The following ORC4 variants were observed in gnomAD, a reference collection of about 807,000 sequenced individuals.
ORC4 encodes the protein origin recognition complex, subunit 4 homolog.
A neutral mutation model predicts 63.9 loss-of-function variants in ORC4; 55 were observed. The ratio of observed to expected loss-of-function variants is 0.86; its 90% CI spans 0.69 to 1.08. ORC4 has a LOEUF of 1.08. Ranked by LOEUF, ORC4 falls within the 50% of genes least tolerant of loss-of-function variation. ORC4 has a pLI of 0.00. For synonymous variants in ORC4, 150 were observed against 168.5 expected (o/e 0.89, Z 0.85); for missense variants, 511 against 504.4 (o/e 1.01, Z -0.13).
rs1267332616 is a variant in ORC4 at position 147,939,249 on chromosome 2, C to T, written c.850-1G>A. ...CTGTTACTCGATTTAAAGCAAGCAT[C>T]TAGGGAAAGACAGATCAGAAAAACA... On this transcript the variant is annotated splice_acceptor_variant, in intron 10 of 13. Transcript: ENST00000392857. LOFTEE classifies it high-confidence loss of function. 6.3e-7 allele frequency: 1 copy of T among 1,594,706 alleles called. No homozygotes were observed. The highest frequency in any genetic ancestry group is 2.2e-5 in the East Asian group (1 of 44,758).
chr2:147,952,568 ACCTTT>A, intron 7 of ORC4, 44 bp from the exon 8 acceptor site: 1 of 1,443,616 alleles, frequency 6.9e-7, no homozygotes, highest in Non-Finnish European at 9.7e-7. Context: ...AATTATATCC[ACCTTT>A]CCTAAATTTC....
At chr2:147,978,846 G>A (rs1202598201) in intron 1 of ORC4, among the ~76,000 whole-genome samples, 2 of 152,146 alleles carry the variant, frequency 1.3e-5, no homozygotes, top group Non-Finnish European at 2.9e-5. Flanking sequence ...TTAACAGAAT[G>A]AAGGACAAAA....
Position 147,931,995 on chromosome 2 carries a change from T to C in ORC4, c.*3515A>G, listed in dbSNP as rs955110531. ...GAGAAGGAAATAAAGGGTATTCAAT[T>C]AGGAAAAGAGGAAGTCAAATTGTCC... On this transcript the variant is annotated 3_prime_UTR_variant, in exon 14 of 14. Coordinates refer to ENST00000392857, the MANE Select transcript of ORC4 (RefSeq NM_181741.4). 4 of 151,908 alleles carry C rather than the reference T, an allele frequency of 2.6e-5. No individual in the cohort carries two copies. Among genetic ancestry groups the C allele is most frequent in the Admixed American group, 1.3e-4 (2 of 15,224 alleles). The allele number at this position is 151,908 out of a possible 1,614,324, so 9.4% of individuals were successfully genotyped here.
intron 4 of ORC4, among the ~76,000 whole-genome samples, chr2:147,971,552 G>C (rs921245507): frequency 8.6e-5 from 13 of 151,834 alleles, no homozygotes; most frequent in African/African-American, 2.4e-4. Flanking sequence ...TACAAACAAT[G>C]AGACACCAAT....
intron 4 of ORC4, among the ~76,000 whole-genome samples, chr2:147,971,507 A>C (rs893205932): frequency 2.6e-5 from 4 of 151,988 alleles, no homozygotes; most frequent in Non-Finnish European, 4.4e-5. Context: ...GTATGAAAAG[A>C]TGCTCAACAG....
Position 147,948,148 on chromosome 2 carries a change from C to T in ORC4, c.665G>A (p.Gly222Asp). The T allele has an allele frequency of 1.2e-6, 2 of 1,610,724 alleles. No homozygotes were observed. Among genetic ancestry groups the T allele is most frequent in the South Asian group, 1.1e-5 (1 of 90,864 alleles). The change falls in exon 9 of 14, where the codon GGT (glycine) becomes GAT (aspartate). Residue 222 changes from glycine (G) to aspartate (D), a missense_variant. Physicochemically the swap from Gly to Asp is moderately conservative, Grantham distance 94. Transcript: ENST00000392857. ...AAATATTTTAACATACTGTGGAAAA[C>T]CAAATGAATTCATTAAGTGTATCTG... ...HRQIHLMNSF[G>D]FPQYVKIFKE...
chr2:147,990,128 T>C (rs1444802856), intron 1 of ORC4, among the ~76,000 whole-genome samples: 1 of 152,216 alleles, frequency 6.6e-6, no homozygotes, highest in Non-Finnish European at 1.5e-5. Context: ...TATTACTGTT[T>C]ACCTAGGACC....
In ORC4 at chr2:147,963,544, T is replaced by G. The variant is rs924807450; in HGVS notation, c.226-4678A>C. 4.6e-5 allele frequency among the ~76,000 whole-genome samples: 7 copies of G among 152,162 alleles called. 1 individual carries two copies. Among genetic ancestry groups the G allele is most frequent in the Non-Finnish European group, 7.4e-5 (5 of 68,022 alleles). ...GAGGAACTGTATCCCTACACCTCTG[T>G]TGGGATCAAGCAGCCTTGCACCTGG... On this transcript the variant is annotated intron_variant, in intron 4 of 13. Transcript: ENST00000392857.
In ORC4 at chr2:147,948,167, G is replaced by T; in HGVS notation, c.646C>A (p.His216Asn). ...VKSRFSHRQI[H>N]LMNSFGFPQY... The stretch of plus-strand genomic sequence containing the variant: ...GGAAAACCAAATGAATTCATTAAGT[G>T]TATCTGCCGGTGAGAAAATCTTGAC... The change falls in exon 9 of 14, where the codon CAC becomes AAC. Residue 216 changes from histidine (H) to asparagine (N), a missense_variant. His to Asn is a moderately conservative substitution (Grantham distance 68). Transcript: ENST00000392857. 1.2e-6 allele frequency: 2 copies of T among 1,609,694 alleles called. No homozygotes were observed. Among genetic ancestry groups the T allele is most frequent in the Non-Finnish European group, 1.7e-6 (2 of 1,176,920 alleles).
chr2:147,970,657 T>C (rs1179404863), intron 4 of ORC4, among the ~76,000 whole-genome samples: 1 of 151,506 alleles, frequency 6.6e-6, no homozygotes, highest in Admixed American at 6.6e-5. Context: ...ACACAGACCT[T>C]ACATCTTTCA....
chr2:147,946,754 T>C (rs1388655847), intron 9 of ORC4, among the ~76,000 whole-genome samples: 10 of 151,888 alleles, frequency 6.6e-5, no homozygotes, highest in Non-Finnish European at 1.3e-4. Flanking sequence ...ATCATAACAA[T>C]GGGAAAAAAG....
chr2:147,933,388 T>C lies in ORC4; in HGVS notation c.*2122A>G, dbSNP rs945839505. The C allele has an allele frequency of 5.9e-5, 9 of 152,136 alleles. No individual in the cohort carries two copies. The highest frequency in any genetic ancestry group is 1.9e-4 in the African/African-American group (8 of 41,452). The allele number at this position is 152,136 out of a possible 1,614,324, so 9.4% of individuals were successfully genotyped here. ...ATGGAAAGGCCAACAAGCAGCACTG[T>C]TCCTCCCCACAAAAATGCCTTGGGA... is the stretch of plus-strand genomic sequence containing the variant. On this transcript the variant is annotated 3_prime_UTR_variant, in exon 14 of 14. Coordinates refer to ENST00000392857, the MANE Select transcript of ORC4 (RefSeq NM_181741.4).
chr2:147,950,117 T>G (rs957819277), intron 8 of ORC4, among the ~76,000 whole-genome samples: 4 of 152,134 alleles, frequency 2.6e-5, no homozygotes, highest in African/African-American at 9.7e-5. Flanking sequence ...AGTGCCAGCA[T>G]GAGAACTAAA....
rs775183195 is a variant in ORC4 at position 147,958,279 on chromosome 2, T to G, written c.387+19A>C. ...TACCTTAAAAGTCTATTTAATAAAA[T>G]AACTGAAATGATACTTACAAAAACT... On this transcript the variant is annotated intron_variant, in intron 6 of 13. Transcript: ENST00000392857. 3 of 1,470,598 alleles carry G rather than the reference T, an allele frequency of 2.0e-6. No homozygotes were observed. 91.1% of individuals were successfully genotyped at this position (1,470,598 alleles called of 1,614,324 possible).
intron 4 of ORC4, among the ~76,000 whole-genome samples, chr2:147,967,257 C>A (rs931076122): frequency 1.3e-5 from 2 of 151,982 alleles, no homozygotes; most frequent in African/African-American, 4.8e-5. Context: ...AAAAGTTTCT[C>A]CTGTAAGAAC....
intron 4 of ORC4, among the ~76,000 whole-genome samples, chr2:147,969,838 T>G (rs1690107381): frequency 6.6e-6 from 1 of 152,030 alleles, no homozygotes; most frequent in Admixed American, 6.6e-5. Context: ...TGATTAACTG[T>G]TAGACATAGT....
intron 4 of ORC4, among the ~76,000 whole-genome samples, chr2:147,961,281 C>T (rs1040745707): frequency 5.9e-5 from 9 of 151,616 alleles, no homozygotes; most frequent in African/African-American, 2.2e-4. Context: ...CTCTACTAAA[C>T]ATAAAAAACT....
intron 1 of ORC4, among the ~76,000 whole-genome samples, chr2:148,001,272 C>G (rs572821389): frequency 3.3e-5 from 5 of 152,168 alleles, no homozygotes; most frequent in African/African-American, 1.2e-4. Context: ...TTTACCTTTG[C>G]AACAGTTAAA....
chr2:147,995,558 G>A (rs1361410680), intron 1 of ORC4, among the ~76,000 whole-genome samples: 4 of 152,118 alleles, frequency 2.6e-5, no homozygotes, highest in Non-Finnish European at 5.9e-5. Flanking sequence ...GGTCCGCACT[G>A]CCTTTATGAG....
Sources: gnomAD v4.1 joint callset for allele counts (sites outside exome capture counted in the v4.1 genomes callset) on GRCh38, gnomAD v4.1.1 for gene constraint, MANE v1.5 for transcripts, NCBI Gene and HGNC (gene_info 2026-07-23, HGNC 2026-07-21) for gene names.